Variants in INVS observed in about 807,000 individuals in gnomAD.
INVS encodes the protein inversion of embryo turning homolog.
A neutral mutation model predicts 108.8 loss-of-function variants in INVS; 86 were observed. The observed-to-expected ratio is 0.79, with a 90% CI of 0.66 to 0.95. The LOEUF is 0.95. Among genes scored for constraint, INVS ranks in the 40% least tolerant of loss-of-function variants. The pLI, the probability that INVS is intolerant of heterozygous loss-of-function variation, is 0.00. For missense variants in INVS, 1,169 were observed against 1,297.4 expected, an observed-to-expected ratio of 0.90 and a Z score of 1.52; for synonymous variants, 455 against 473.5, an observed-to-expected ratio of 0.96 and a Z score of 0.51.
At chr9:100,221,305 A>ATTTTT (rs67905235) in intron 3 of INVS, among the ~76,000 whole-genome samples, 2 of 145,428 alleles carry the variant, frequency 1.4e-5, no homozygotes, top group Non-Finnish European at 1.5e-5. Context: ...ATACAGGACA[A>ATTTTT]TTTTTTTTTT....
chr9:100,197,352 C>T (rs1392099086), intron 3 of INVS, among the ~76,000 whole-genome samples: 1 of 152,108 alleles, frequency 6.6e-6, no homozygotes, highest in African/African-American at 2.4e-5. Context: ...GCGAGAGGAT[C>T]CCTTGATCCC....
At chr9:100,103,525 G>C (rs1827073604) in intron 1 of INVS, among the ~76,000 whole-genome samples, 1 of 151,948 alleles carries the variant, frequency 6.6e-6, no homozygotes, top group Non-Finnish European at 1.5e-5. Flanking sequence ...CTACTGAGGA[G>C]GCTGAGGCAG....
intron 12 of INVS, among the ~76,000 whole-genome samples, chr9:100,273,353 A>G (rs916116084): frequency 6.6e-6 from 1 of 151,768 alleles, no homozygotes; most frequent in African/African-American, 2.4e-5. Context: ...CATGGGAGGG[A>G]GTTGGGGATG....
chr9:100,197,654 G>A (rs931325669), intron 3 of INVS, among the ~76,000 whole-genome samples: 1 of 152,132 alleles, frequency 6.6e-6, no homozygotes, highest in Non-Finnish European at 1.5e-5. Flanking sequence ...GTAGAAATGT[G>A]ATTGGGCCAA....
intron 3 of INVS, among the ~76,000 whole-genome samples, chr9:100,184,848 G>GA (rs1433306486): frequency 6.6e-6 from 1 of 152,094 alleles, no homozygotes; most frequent in Non-Finnish European, 1.5e-5. Context: ...TTGCATGCAG[G>GA]AAAAAACAGT....
chr9:100,101,001 AT>A (rs1826962402), intron 1 of INVS, among the ~76,000 whole-genome samples: 3 of 85,520 alleles, frequency 3.5e-5, no homozygotes, highest in East Asian at 2.5e-4. Context: ...TGTATATATA[AT>A]ATATATATTA....
chr9:100,117,131 C>T lies in INVS; in HGVS notation c.107-9252C>T, dbSNP rs1827557766. 28 of 1,247,422 alleles carry T rather than the reference C, an allele frequency of 2.2e-5. 1 individual carries two copies. Among genetic ancestry groups the T allele is most frequent in the Non-Finnish European group, 3.1e-5 (28 of 890,948 alleles). The allele number at this position is 1,247,422 out of a possible 1,614,324, so 77.3% of individuals were successfully genotyped here. On this transcript the variant is annotated intron_variant, in intron 2 of 16. Coordinates refer to ENST00000262457, the MANE Select transcript of INVS (RefSeq NM_014425.5). ...CTTGCCGATCTTGTTCCCCCAGTAGCCTCTGTGCACGGGGACAATGGAGAG... is the reference window on the plus strand; with the variant it reads ...CTTGCCGATCTTGTTCCCCCAGTAGTCTCTGTGCACGGGGACAATGGAGAG...
At chr9:100,104,473 C>T (rs1422444361) in intron 1 of INVS, 25 bp from the exon 2 acceptor site, 2 of 1,286,548 alleles carry the variant, frequency 1.6e-6, no homozygotes, top group Non-Finnish European at 2.3e-6. Flanking sequence ...GCTGCATGCG[C>T]TCATTGTCTG....
rs567296830 is a variant in INVS, at chr9:100,103,748, G to A, written c.-24-750G>A. Among the ~76,000 whole-genome samples the A allele has an allele frequency of 8.4e-4, 127 of 151,828 alleles. 4 individuals are homozygous for A. In the South Asian group the frequency reaches 0.025, roughly 29 times the overall value. ...ATGGGATTTGTAGAAATGAGCTCTC[G>A]CTATATTGCCCAGGCTGGTCTCAAA... On this transcript the variant is annotated intron_variant, in intron 1 of 16. Coordinates refer to ENST00000262457, the MANE Select transcript of INVS (RefSeq NM_014425.5).
At chr9:100,232,989 G>A (rs10989025) in intron 5 of INVS, among the ~76,000 whole-genome samples, 26,102 of 152,034 alleles carry the variant, frequency 0.17, 3,342 homozygotes, top group African/African-American at 0.36. Flanking sequence ...GTCCATGAGT[G>A]TGGAATGTTT....
At position 100,301,986 on chromosome 9, in the gene INVS, A is replaced by T; in HGVS notation, c.*1312A>T. ...GCACAATGCACAACCGCCTATGACC[A>T]TGTATCGTGTGCTAGTCCGGGAAGC... On this transcript the variant is annotated 3_prime_UTR_variant, in exon 17 of 17. Coordinates refer to ENST00000262457, the MANE Select transcript of INVS (RefSeq NM_014425.5). The T allele has an allele frequency of 2.3e-6, 1 of 441,358 alleles. No individual in the cohort carries two copies. Among genetic ancestry groups the T allele is most frequent in the Non-Finnish European group, 4.0e-6 (1 of 247,424 alleles). The allele number at this position is 441,358 out of a possible 1,614,324, so 27.3% of individuals were successfully genotyped here.
chr9:100,129,291 G>T (rs1234742329), intron 3 of INVS, among the ~76,000 whole-genome samples: 1 of 152,038 alleles, frequency 6.6e-6, no homozygotes, highest in East Asian at 1.9e-4. Flanking sequence ...AGACCAGCCT[G>T]GGCAACATGA....
intron 3 of INVS, chr9:100,175,052 A>C (rs529734469): frequency 5.0e-5 from 10 of 200,436 alleles, no homozygotes; most frequent in Admixed American, 1.1e-4. Flanking sequence ...CTTCATCCCA[A>C]CTTCTTCATA....
At chr9:100,140,236 C>G (rs1345578291) in intron 3 of INVS, among the ~76,000 whole-genome samples, 1 of 152,128 alleles carries the variant, frequency 6.6e-6, no homozygotes, top group African/African-American at 2.4e-5. Context: ...AGCAACAAGG[C>G]TATTTATTTC....
At chr9:100,209,125 C>A (rs1830758632) in intron 3 of INVS, among the ~76,000 whole-genome samples, 1 of 151,926 alleles carries the variant, frequency 6.6e-6, no homozygotes, top group Non-Finnish European at 1.5e-5. Context: ...AAGCGAACAT[C>A]AATATGCTAG....
chr9:100,162,826 C>CA (rs35002647), intron 3 of INVS, among the ~76,000 whole-genome samples: 28,352 of 139,050 alleles, frequency 0.2, 4,268 homozygotes, highest in African/African-American at 0.44. Context: ...GACTCCATCT[C>CA]AAAAAAAAAA....
intron 3 of INVS, among the ~76,000 whole-genome samples, chr9:100,159,185 A>G (rs910903367): frequency 2.0e-5 from 3 of 152,354 alleles, no homozygotes; most frequent in Non-Finnish European, 2.9e-5. Flanking sequence ...GGTAGAATGC[A>G]TATGTGCTAG....
At position 100,264,609 on chromosome 9, in the gene INVS, A is replaced by G. The variant is rs552779166; in HGVS notation, c.1465-213A>G. On this transcript the variant is annotated intron_variant, in intron 10 of 16. Coordinates refer to ENST00000262457, the MANE Select transcript of INVS (RefSeq NM_014425.5). ...CTCCAGCCTGAGCGACGAGAGCGAA[A>G]CTCCGTCTCAAAAAAAAAAAAAAAA... Among the ~76,000 whole-genome samples the G allele has an allele frequency of 7.9e-4, 104 of 131,800 alleles. 1 individual carries two copies. The highest frequency in any genetic ancestry group is 4.6e-4 in the Non-Finnish European group (28 of 60,256). 86.5% of individuals were successfully genotyped at this position (131,800 alleles called of 152,430 possible). A position where few individuals can be genotyped will look rare whatever the true frequency, so the allele number is the denominator to read the frequency against.
rs1831758847 is a variant in INVS, at chr9:100,238,408, TAC to T, written c.616-1650_616-1649del. 6.6e-5 allele frequency among the ~76,000 whole-genome samples: 10 copies of T among 152,344 alleles called. No individual in the cohort carries two copies. In the South Asian group the frequency reaches 2.1e-3, roughly 32 times the overall value. On this transcript the variant is annotated intron_variant, in intron 5 of 16. Transcript: ENST00000262457. ...ACATTTTGCTCTTTGTTTGGCATTC[TAC>T]AGTTTTACTACAGTGTGTCTAGGTG...
Sources: allele counts gnomAD v4.1 joint callset (sites outside exome capture counted in the v4.1 genomes callset), GRCh38; gene constraint gnomAD v4.1.1; transcripts MANE v1.5; gene names NCBI Gene and HGNC (gene_info 2026-07-23, HGNC 2026-07-21).